The following DNMT1 variants were observed in gnomAD, a reference collection of about 807,000 sequenced individuals.
DNMT1 encodes DNA (cytosine-5)-methyltransferase 1.
DNMT1 carries 24 observed loss-of-function variants against 205.3 expected under a neutral mutation model. The ratio of observed to expected loss-of-function variants is 0.12; its 90% CI spans 0.08 to 0.16. The LOEUF (loss-of-function observed/expected upper bound fraction) is 0.16. Among genes scored for constraint, DNMT1 ranks in the 10% least tolerant of loss-of-function variants. The probability of loss-of-function intolerance (pLI) is 1.00; values close to 1 mark genes in which losing one functional copy is unlikely to be tolerated. For synonymous variants in DNMT1, 817 were observed against 839.8 expected (o/e 0.97, Z 0.47); for missense variants, 1,293 against 2,177.7 (o/e 0.59, Z 8.09).
At position 10,138,622 on chromosome 19, in the gene DNMT1, C is replaced by A; in HGVS notation, c.3949-17G>T. 6.3e-7 allele frequency: 1 copy of A among 1,598,220 alleles called. No individual in the cohort carries two copies. Among genetic ancestry groups the A allele is most frequent in the Non-Finnish European group, 8.5e-7 (1 of 1,179,102 alleles). ...CTGACCGGCCTGTGGGGGAGAAGGA[C>A]GGACAACCCCACCGTCAGTGGGACA... On this transcript the variant is annotated splice_polypyrimidine_tract_variant and intron_variant, in intron 34 of 40. Transcript: ENST00000359526. The surrounding 1 kb of genome is among the most constrained non-coding windows in gnomAD (Gnocchi z 4.1).
Position 10,154,063 on chromosome 19 carries a change from G to A in DNMT1, c.2019+230C>T, listed in dbSNP as rs916049328. Among the ~76,000 whole-genome samples, 1 of 152,166 alleles carries A rather than the reference G, an allele frequency of 6.6e-6. No homozygotes were observed. The highest frequency in any genetic ancestry group is 1.5e-5 in the Non-Finnish European group (1 of 68,018). ...CCAGAAGCCAGGCTCTTCAATTAAG[G>A]ACAGTGGCATTATCAGCAAAGCACC... On this transcript the variant is annotated intron_variant, in intron 22 of 40. Coordinates refer to ENST00000359526, the MANE Select transcript of DNMT1 (RefSeq NM_001130823.3). The surrounding 1 kb of genome is among the most constrained non-coding windows in gnomAD (Gnocchi z 6.3).
chr19:10,151,572 G>T lies in DNMT1; in HGVS notation c.2118-27C>A. 6.2e-7 allele frequency: 1 copy of T among 1,612,538 alleles called. No homozygotes were observed. The highest frequency in any genetic ancestry group is 8.5e-7 in the Non-Finnish European group (1 of 1,180,022). On this transcript the variant is annotated intron_variant, in intron 23 of 40. Transcript: ENST00000359526. The surrounding 1 kb of genome is among the most constrained non-coding windows in gnomAD (Gnocchi z 5.0). ...TGCAATGTCACTGGTTATACCTAAG[G>T]CCCCTTTTCTAAGTAAGACCAACCG... is the stretch of plus-strand genomic sequence containing the variant.
rs2145377808 is a variant in DNMT1, at chr19:10,180,190, T to C, written c.490A>G (p.Arg164Gly). ...PASASQVTGI[R>G]AEPSPSPRIT... ...AGCTGGGTGTGGTGGCACATACCTC[T>C]AATCCCAGTTACTTGGGAGGCTGAG... Residue 164 changes from arginine to glycine, a missense_variant, in exon 5 of 41, where the codon AGA (arginine) becomes GGA (glycine). Physicochemically the swap from Arg to Gly is moderately radical, Grantham distance 125. Coordinates refer to ENST00000359526, the MANE Select transcript of DNMT1 (RefSeq NM_001130823.3). The C allele has an allele frequency of 1.2e-6, 1 of 840,048 alleles. No individual in the cohort carries two copies. Among genetic ancestry groups the C allele is most frequent in the Non-Finnish European group, 1.9e-6 (1 of 519,412 alleles). 52.0% of individuals were successfully genotyped at this position (840,048 alleles called of 1,614,324 possible).
rs114252038 is a variant in DNMT1 at position 10,156,642 on chromosome 19, G to A, written c.1281-133C>T. ...TCTTTTTTTGTTTGTTTTTGAGACA[G>A]AGTCTTGCTCTATCCCTCAGGCTGG... On this transcript the variant is annotated intron_variant, in intron 17 of 40. Coordinates refer to ENST00000359526, the MANE Select transcript of DNMT1 (RefSeq NM_001130823.3). The surrounding 1 kb of genome is among the most constrained non-coding windows in gnomAD (Gnocchi z 4.2). 1.4e-3 allele frequency: 1,001 copies of A among 708,012 alleles called. 7 individuals carry two copies. In the African/African-American group the frequency reaches 0.016, roughly 11 times the overall value. 43.9% of individuals were successfully genotyped at this position (708,012 alleles called of 1,614,324 possible).
rs773576304 is a variant in DNMT1 at position 10,149,579 on chromosome 19, G to A, written c.2460C>T (p.Val820=). 7.4e-6 allele frequency: 12 copies of A among 1,613,862 alleles called. No individual in the cohort carries two copies. Among genetic ancestry groups the A allele is most frequent in the Non-Finnish European group, 9.3e-6 (11 of 1,179,962 alleles). ...AHWFCAGTDT[V]LGATSDPLEL... The stretch of plus-strand genomic sequence containing the variant: ...CCAGAGGGTCCGACGTGGCCCCGAG[G>A]ACTGTGTCTGTCCCAGCGCAGAACC... Residue 820 remains valine, a synonymous_variant, in exon 26 of 41, where the codon GTC becomes GTT. Coordinates refer to ENST00000359526, the MANE Select transcript of DNMT1 (RefSeq NM_001130823.3).
chr19:10,184,458 T>A (rs1352289772), intron 1 of DNMT1: 1 of 152,110 alleles, frequency 6.6e-6, no homozygotes, highest in East Asian at 1.9e-4. Flanking sequence ...GTGGTCTGAT[T>A]TGATTACTGA....
chr19:10,185,471 C>T (rs2039160603), intron 1 of DNMT1, among the ~76,000 whole-genome samples: 1 of 151,512 alleles, frequency 6.6e-6, no homozygotes, highest in African/African-American at 2.4e-5. Context: ...ACTTAGCACC[C>T]TACAAACACA....
intron 6 of DNMT1, among the ~76,000 whole-genome samples, chr19:10,175,866 C>G (rs1213886775): frequency 6.6e-6 from 1 of 152,160 alleles, no homozygotes; most frequent in East Asian, 1.9e-4. Context: ...GACACAGCAC[C>G]ATCCATAAAG....
At position 10,140,891 on chromosome 19, in the gene DNMT1, G is replaced by C. The variant is rs201308454; in HGVS notation, c.3413C>G (p.Ser1138Cys). Residue 1138 changes from serine (S) to cysteine (C), a missense_variant, in exon 32 of 41, where the codon TCC becomes TGC. By Grantham distance (112) the Ser-to-Cys change is moderately radical. Around this residue, in one of 13 missense-constraint regions of DNMT1, gnomAD observed 167 missense variants for 258.1 expected, o/e 0.65. Transcript: ENST00000359526. The surrounding 1 kb of genome is among the most constrained non-coding windows in gnomAD (Gnocchi z 8.4). Reference protein sequence around the residue: ...GKGKGKGKPKSQACEPSEPEI... With the variant: ...GKGKGKGKPKCQACEPSEPEI... ...TGGCTCGCTCGGCTCACAGGCTTGG[G>C]ACTTGGGCTTGCCCTTCCCTGGGGG... The C allele has an allele frequency of 5.6e-5, 90 of 1,614,074 alleles. 1 individual carries two copies. The Admixed American group carries it at 1.5e-3, about 27-fold the overall frequency.
chr19:10,135,227 AAAAG>A (rs1405524122), intron 39 of DNMT1, among the ~76,000 whole-genome samples: 1 of 151,166 alleles, frequency 6.6e-6, no homozygotes, highest in Admixed American at 6.6e-5. Flanking sequence ...AAAAAAAAAA[AAAAG>A]AGAGAGTGGC....
chr19:10,180,598 C>T, intron 3 of DNMT1, 29 bp from the exon 4 acceptor site: 2 of 1,605,924 alleles, frequency 1.2e-6, no homozygotes, highest in Non-Finnish European at 1.7e-6. Flanking sequence ...ATTTAAGTAG[C>T]AGTGAATGTA....
At chr19:10,135,024 C>T (rs779068008) in intron 39 of DNMT1, among the ~76,000 whole-genome samples, 4 of 151,912 alleles carry the variant, frequency 2.6e-5, no homozygotes, top group Non-Finnish European at 4.4e-5. Flanking sequence ...CCAGCCTGGC[C>T]AACATGGTGA....
rs539840527 is a variant in DNMT1 at position 10,159,579 on chromosome 19, C to A, written c.1280+79G>T. 2.1e-6 allele frequency: 3 copies of A among 1,425,364 alleles called. No homozygotes were observed. Among genetic ancestry groups the A allele is most frequent in the African/African-American group, 1.4e-5 (1 of 71,378 alleles). The allele number at this position is 1,425,364 out of a possible 1,614,324, so 88.3% of individuals were successfully genotyped here. ...GCAGGTCAGGCACTAAAAAACATCA[C>A]CAGAATCGTGAGCCCGCAGGCACCT... On this transcript the variant is annotated intron_variant, in intron 17 of 40. Coordinates refer to ENST00000359526, the MANE Select transcript of DNMT1 (RefSeq NM_001130823.3). This position sits in a 1 kb window ranked among gnomAD's most constrained non-coding sequence, Gnocchi z 5.0.
At chr19:10,145,370 G>A (rs2038176154) in intron 28 of DNMT1, among the ~76,000 whole-genome samples, 1 of 152,202 alleles carries the variant, frequency 6.6e-6, no homozygotes, top group South Asian at 2.1e-4. Context: ...CAAGGCTGGA[G>A]GGAACCTGCT....
chr19:10,154,746 A>G lies in DNMT1; in HGVS notation c.1672T>C (p.Leu558=), dbSNP rs2038422745. Residue 558 remains leucine, a synonymous_variant, in exon 21 of 41, where the codon TTG becomes CTG. Transcript: ENST00000359526. The surrounding 1 kb of genome is among the most constrained non-coding windows in gnomAD (Gnocchi z 6.3). ...ETTVPPSGLN[L]NRFTEDSLLR... ...AGGGAGTCCTCTGTGAAGCGGTTCA[A>G]GTTGAGGCCAGAAGGAGGAACCGTG... 6.2e-7 allele frequency: 1 copy of G among 1,614,246 alleles called. No homozygotes were observed. The highest frequency in any genetic ancestry group is 1.1e-5 in the South Asian group (1 of 91,090).
chr19:10,141,649 C>A (rs1181175732), intron 30 of DNMT1: 1 of 333,668 alleles, frequency 3.0e-6, no homozygotes, highest in East Asian at 7.3e-5. Context: ...ACGTAGGCGC[C>A]TGGCCCAAGG....
rs368903882 is a variant in DNMT1, at chr19:10,168,866, C to G, written c.769-502G>C. Reference sequence around the variant, plus strand: ...CATTTATTTATTTATGAGACGGAGTCTCACTCTGTTACCCAGGCTGGAGTG... The same window carrying G: ...CATTTATTTATTTATGAGACGGAGTGTCACTCTGTTACCCAGGCTGGAGTG... On this transcript the variant is annotated intron_variant, in intron 9 of 40. Coordinates refer to ENST00000359526, the MANE Select transcript of DNMT1 (RefSeq NM_001130823.3). 4.6e-5 allele frequency among the ~76,000 whole-genome samples: 7 copies of G among 152,302 alleles called. No homozygotes were observed. The East Asian group carries it at 5.8e-4, about 13-fold the overall frequency.
chr19:10,151,974 A>G lies in DNMT1; in HGVS notation c.2020-127T>C, dbSNP rs1345706537. On this transcript the variant is annotated intron_variant, in intron 22 of 40. Transcript: ENST00000359526. This position sits in a 1 kb window ranked among gnomAD's most constrained non-coding sequence, Gnocchi z 5.0. Reference sequence around the variant, plus strand: ...CAGGAATTGCAGACCAGCCTGGCCAACGTGGTGAAACCCCATCTCTACTAA... The same window carrying G: ...CAGGAATTGCAGACCAGCCTGGCCAGCGTGGTGAAACCCCATCTCTACTAA... 9.7e-6 allele frequency: 8 copies of G among 826,328 alleles called. No individual in the cohort carries two copies. The South Asian group carries it at 1.1e-4, about 11-fold the overall frequency. 51.2% of individuals were successfully genotyped at this position (826,328 alleles called of 1,614,324 possible).
chr19:10,187,517 C>T (rs1193764823), intron 1 of DNMT1, among the ~76,000 whole-genome samples: 2 of 151,748 alleles, frequency 1.3e-5, no homozygotes. Context: ...GGGAGGATCA[C>T]TAGAGCTCAG....
Sources: allele counts gnomAD v4.1 joint callset (sites outside exome capture counted in the v4.1 genomes callset), GRCh38; gene constraint gnomAD v4.1.1; regional missense constraint gnomAD v4.1.1; non-coding constraint Gnocchi (gnomAD v3.1); transcripts MANE v1.5; gene names NCBI Gene and HGNC (gene_info 2026-07-23, HGNC 2026-07-21).